Variants in PPP1CC observed in about 807,000 individuals in gnomAD.
PPP1CC encodes serine/threonine-protein phosphatase PP1-gamma catalytic subunit.
Under a neutral mutation model 38.4 loss-of-function variants are expected in PPP1CC, and 16 were observed. The observed-to-expected ratio is 0.42, with a 90% confidence interval of 0.28 to 0.63. The LOEUF is 0.63. Ranked by LOEUF, PPP1CC falls within the 30% of genes least tolerant of loss-of-function variation. The pLI is 0.25. For missense variants in PPP1CC, 170 were observed against 391.3 expected, an observed-to-expected ratio of 0.43 and a Z score of 4.77; for synonymous variants, 158 against 136.0, an observed-to-expected ratio of 1.16 and a Z score of -1.13.
At chr12:110,719,474 G>T (rs554679555), downstream of PPP1CC, among the ~76,000 whole-genome samples, 1 of 152,190 alleles carries the variant, frequency 6.6e-6, no homozygotes, top group African/African-American at 2.4e-5. Context: ...ATACATACTT[G>T]TGACAAAATA....
intron 1 of PPP1CC, among the ~76,000 whole-genome samples, 176 bp downstream of exon 1, chr12:110,742,477 A>C (rs1297523130): frequency 6.6e-6 from 1 of 152,134 alleles, no homozygotes; most frequent in Non-Finnish European, 1.5e-5. Context: ...CAAGTTGGGA[A>C]TCCCGGGCTG....
chr12:110,738,428 T>C (rs568192409), intron 1 of PPP1CC, among the ~76,000 whole-genome samples: 3 of 152,330 alleles, frequency 2.0e-5, no homozygotes, highest in African/African-American at 7.2e-5. Flanking sequence ...GGTCAACTAA[T>C]GGCCTCAATT....
In PPP1CC at chr12:110,731,837, T is replaced by A; in HGVS notation, c.120A>T (p.Leu40Phe). Residue 40 changes from leucine to phenylalanine, a missense_variant, in exon 2 of 7, where the codon TTA (leucine) becomes TTT (phenylalanine). Coordinates refer to ENST00000335007, the MANE Select transcript of PPP1CC (RefSeq NM_002710.4). The stretch of plus-strand genomic sequence containing the variant: ...GACTGAGAAAGATTTCACGAGACTT[T>A]AAGCACAGTCCTCTGATTTCATTCT... ...LQENEIRGLC[L>F]KSREIFLSQP... The A allele has an allele frequency of 6.2e-7, 1 of 1,613,886 alleles. No individual in the cohort carries two copies. The highest frequency in any genetic ancestry group is 8.5e-7 in the Non-Finnish European group (1 of 1,179,778).
At chr12:110,730,979 A>G (rs971776769) in intron 2 of PPP1CC, among the ~76,000 whole-genome samples, 5 of 152,370 alleles carry the variant, frequency 3.3e-5, no homozygotes, top group Admixed American at 1.3e-4. Context: ...TATGTCCAGA[A>G]CCTCACATAA....
At chr12:110,730,500 C>T (rs756160697) in intron 3 of PPP1CC, 29 bp downstream of exon 3, 1 of 1,465,856 alleles carries the variant, frequency 6.8e-7, no homozygotes, top group East Asian at 2.3e-5. Flanking sequence ...ATTTCAATAA[C>T]TCTTCCTTAG....
intron 4 of PPP1CC, among the ~76,000 whole-genome samples, chr12:110,723,773 A>G (rs2069765113): frequency 6.6e-6 from 1 of 152,136 alleles, no homozygotes; most frequent in Non-Finnish European, 1.5e-5. Context: ...GCCTCTCCAA[A>G]GTGCTGGAAT....
chr12:110,717,030 CAA>C (rs1413010409), downstream of PPP1CC, among the ~76,000 whole-genome samples: 4 of 152,198 alleles, frequency 2.6e-5, no homozygotes, highest in Non-Finnish European at 5.9e-5. Flanking sequence ...GTGCCTGGCC[CAA>C]GTTTTCCTAA....
chr12:110,720,921 C>T lies in PPP1CC; in HGVS notation c.*155G>A. On this transcript the variant is annotated 3_prime_UTR_variant, in exon 7 of 7. Transcript: ENST00000335007. The stretch of plus-strand genomic sequence containing the variant: ...AAGAGTCTTTCATTTGCTGTTATAA[C>T]CAGCAAATGCCATTCACTAAATCAA... The T allele has an allele frequency of 1.8e-6, 1 of 564,270 alleles. No homozygotes were observed. The highest frequency in any genetic ancestry group is 3.1e-6 in the Non-Finnish European group (1 of 318,846). The allele number at this position is 564,270 out of a possible 1,614,324, so 35.0% of individuals were successfully genotyped here. A position where few individuals can be genotyped will look rare whatever the true frequency, so the allele number is the denominator to read the frequency against.
In PPP1CC at chr12:110,724,673, G is replaced by A. The variant is rs767071866; in HGVS notation, c.510C>T (p.Phe170=). 4 of 1,611,316 alleles carry A rather than the reference G, an allele frequency of 2.5e-6. No individual in the cohort carries two copies. The African/African-American group carries it at 4.0e-5, about 16-fold the overall frequency. ...CAGCCCACCTACCTCCATGACAGCA[G>A]AATATCTTCTCATCCACGATGGCTG... ...PIAAIVDEKI[F]CCHGGLSPDL... The change falls in exon 4 of 7, where the codon TTC becomes TTT. Residue 170 remains phenylalanine, a synonymous_variant. Coordinates refer to ENST00000335007, the MANE Select transcript of PPP1CC (RefSeq NM_002710.4).
chr12:110,729,592 G>A (rs1377273235), intron 3 of PPP1CC, among the ~76,000 whole-genome samples: 1 of 152,168 alleles, frequency 6.6e-6, no homozygotes, highest in Non-Finnish European at 1.5e-5. Context: ...GTAAAATACT[G>A]TAAAAATAAT....
Position 110,730,528 on chromosome 12 carries a change from C to G in PPP1CC, c.418+1G>C. The G allele has an allele frequency of 6.3e-7, 1 of 1,592,458 alleles. No individual in the cohort carries two copies. On this transcript the variant is annotated splice_donor_variant, in intron 3 of 6. Coordinates refer to ENST00000335007, the MANE Select transcript of PPP1CC (RefSeq NM_002710.4). LOFTEE classifies it high-confidence loss of function. The stretch of plus-strand genomic sequence containing the variant: ...TTCCTTAGATATAGAAAAGTACTTA[C>G]ATTCATCATAAAATCCATAAATTCT...
rs2069860768 is a variant in PPP1CC at position 110,730,627 on chromosome 12, A to G, written c.320T>C (p.Leu107Ser). 1 of 1,614,070 alleles carries G rather than the reference A, an allele frequency of 6.2e-7. No individual in the cohort carries two copies. The highest frequency in any genetic ancestry group is 1.7e-5 in the Admixed American group (1 of 60,004). ...AGGATATTTTATTTTGTAGGCCAGT[A>G]AGAGGCAGATCGTCTCCAATGACTG... The part of the protein sequence containing the change: ...GKQSLETICL[L>S]LAYKIKYPEN... The change falls in exon 3 of 7, where the codon TTA becomes TCA. Residue 107 changes from leucine (L) to serine (S), a missense_variant. Around this residue, in one of 3 missense-constraint regions of PPP1CC, gnomAD observed 117 missense variants for 344.4 expected, o/e 0.34. Transcript: ENST00000335007.
At chr12:110,724,411 A>G (rs1305011967) in intron 4 of PPP1CC, among the ~76,000 whole-genome samples, 1 of 152,160 alleles carries the variant, frequency 6.6e-6, no homozygotes, top group East Asian at 1.9e-4. Context: ...AAATAAAATA[A>G]AAATAAAAAT....
intron 1 of PPP1CC, among the ~76,000 whole-genome samples, chr12:110,740,874 A>C (rs769758304): frequency 6.6e-6 from 1 of 152,216 alleles, no homozygotes; most frequent in Non-Finnish European, 1.5e-5. Context: ...ATCCATGCAA[A>C]TTCCAACTTT....
intron 6 of PPP1CC, chr12:110,721,420 C>T (rs976228859): frequency 1.6e-5 from 5 of 316,800 alleles, no homozygotes; most frequent in Non-Finnish European, 2.9e-5. Context: ...CTGAAGTCTA[C>T]ACCTGGTAGT....
chr12:110,720,205 C>A lies in PPP1CC; in HGVS notation c.*871G>T, dbSNP rs1474519404. ...ATGGACGGGTTCAGGCCTGATGCAA[C>A]TGTAAAAAGATTACTTAATGAATAG... On this transcript the variant is annotated 3_prime_UTR_variant, in exon 7 of 7. Transcript: ENST00000335007. The A allele has an allele frequency of 6.5e-7, 1 of 1,547,398 alleles. No homozygotes were observed. Among genetic ancestry groups the A allele is most frequent in the Non-Finnish European group, 8.7e-7 (1 of 1,151,588 alleles).
downstream of PPP1CC, among the ~76,000 whole-genome samples, chr12:110,715,168 C>T (rs888975510): frequency 8.6e-5 from 13 of 151,872 alleles, no homozygotes; most frequent in African/African-American, 1.7e-4. Flanking sequence ...AAAAGGAATA[C>T]GCACTTTTAA....
Position 110,720,885 on chromosome 12 carries a change from T to C in PPP1CC, c.*191A>G. The C allele has an allele frequency of 2.0e-6, 1 of 492,700 alleles. No homozygotes were observed. The highest frequency in any genetic ancestry group is 2.0e-5 in the African/African-American group (1 of 51,256). The allele number at this position is 492,700 out of a possible 1,614,324, so 30.5% of individuals were successfully genotyped here. A position where few individuals can be genotyped will look rare whatever the true frequency, so the allele number is the denominator to read the frequency against. ...AGAATTAAAAAACAAAACACTTTTC[T>C]TTTTGGAGTGAAGAGTCTTTCATTT... On this transcript the variant is annotated 3_prime_UTR_variant, in exon 7 of 7. Transcript: ENST00000335007.
chr12:110,721,793 C>T (rs2069742055), intron 6 of PPP1CC: 1 of 346,376 alleles, frequency 2.9e-6, no homozygotes, highest in African/African-American at 2.1e-5. Context: ...ACACATAGCA[C>T]AAGGCACTCA....
Sources: gnomAD v4.1 joint callset for allele counts (sites outside exome capture counted in the v4.1 genomes callset) on GRCh38, gnomAD v4.1.1 for gene constraint, gnomAD v4.1.1 regional missense constraint, MANE v1.5 for transcripts, NCBI Gene and HGNC (gene_info 2026-07-23, HGNC 2026-07-21) for gene names.